The following SPAG6 variants were observed in gnomAD, a reference collection of about 807,000 sequenced individuals.
The protein encoded by SPAG6 is sperm associated antigen 6.
In SPAG6, 49 loss-of-function variants were observed where a neutral mutation model predicts 58.5. That is an observed-to-expected ratio of 0.84 (90% CI 0.67 to 1.06). The LOEUF (loss-of-function observed/expected upper bound fraction) is 1.06. Ranked by LOEUF, SPAG6 falls within the 50% of genes least tolerant of loss-of-function variation. The pLI is 0.00. For missense variants in SPAG6, 560 were observed against 611.3 expected (o/e 0.92, Z 0.89); for synonymous variants, 233 against 225.6 (o/e 1.03, Z -0.29).
intron 4 of SPAG6, among the ~76,000 whole-genome samples, chr10:22,378,701 C>A (rs1833880943): frequency 1.3e-5 from 2 of 152,128 alleles, no homozygotes; most frequent in Admixed American, 1.3e-4. Context: ...AAAATGACTT[C>A]AAATTTCCTC....
chr10:22,391,520 T>C (rs1290384477), intron 7 of SPAG6, among the ~76,000 whole-genome samples: 1 of 152,208 alleles, frequency 6.6e-6, no homozygotes, highest in Non-Finnish European at 1.5e-5. Flanking sequence ...CTTGGTTTAG[T>C]TGAATCGTTA....
At chr10:22,365,154 A>G (rs1837161956) in intron 3 of SPAG6, 135 bp downstream of exon 3, 4 of 571,136 alleles carry the variant, frequency 7.0e-6, no homozygotes, top group South Asian at 6.0e-5. Flanking sequence ...TCTGAGCTGC[A>G]TGTAATCATA....
At chr10:22,361,998 A>G (rs1244131474) in intron 2 of SPAG6, among the ~76,000 whole-genome samples, 2 of 146,854 alleles carry the variant, frequency 1.4e-5, no homozygotes, top group African/African-American at 4.9e-5. Flanking sequence ...ATAAATATAT[A>G]TATTTATTTC....
intron 5 of SPAG6, 89 bp from the exon 6 acceptor site, chr10:22,387,734 A>G: frequency 8.1e-7 from 1 of 1,231,810 alleles, no homozygotes; most frequent in African/African-American, 1.5e-5. Flanking sequence ...AGGAATTTGA[A>G]TATATATAAA....
chr10:22,412,470 T>C (rs1348773924), intron 10 of SPAG6: 1 of 1,531,756 alleles, frequency 6.5e-7, no homozygotes, highest in Non-Finnish European at 8.7e-7. Context: ...GTTGCAAGTT[T>C]GTGCACTTTT....
intron 6 of SPAG6, 23 bp downstream of exon 6, chr10:22,388,019 A>G: frequency 6.3e-7 from 1 of 1,579,690 alleles, no homozygotes. Flanking sequence ...TTCAAGGCAC[A>G]ATAATATGTA....
chr10:22,349,821 A>G (rs1836668444), intron 2 of SPAG6, among the ~76,000 whole-genome samples: 1 of 152,220 alleles, frequency 6.6e-6, no homozygotes, highest in Admixed American at 6.5e-5. Flanking sequence ...TAATGGGTTC[A>G]GAATTCAAGA....
At chr10:22,386,462 C>A (rs1336195428) in intron 4 of SPAG6, among the ~76,000 whole-genome samples, 2 of 151,180 alleles carry the variant, frequency 1.3e-5, no homozygotes, top group African/African-American at 4.9e-5. Context: ...GCTTAAACAG[C>A]TGACATCTGC....
At chr10:22,398,339 A>G (rs1324725762) in intron 8 of SPAG6, among the ~76,000 whole-genome samples, 1 of 152,232 alleles carries the variant, frequency 6.6e-6, no homozygotes, top group Non-Finnish European at 1.5e-5. Context: ...AGGTTAGGCA[A>G]TTATTTTTTA....
chr10:22,382,250 T>C (rs1833973682), intron 4 of SPAG6, among the ~76,000 whole-genome samples: 1 of 152,174 alleles, frequency 6.6e-6, no homozygotes, highest in Admixed American at 6.6e-5. Flanking sequence ...TCACTCAAAA[T>C]GAGCTACTCC....
At chr10:22,361,443 C>A (rs1837035607) in intron 2 of SPAG6, 1 of 152,284 alleles carries the variant, frequency 6.6e-6, no homozygotes, top group Admixed American at 6.5e-5. Context: ...TGCCTGTAAT[C>A]CCAGCACTTT....
intron 8 of SPAG6, among the ~76,000 whole-genome samples, chr10:22,396,109 G>A (rs527375231): frequency 6.6e-6 from 1 of 152,284 alleles, no homozygotes; most frequent in Admixed American, 6.5e-5. Context: ...GCAGGAGAGA[G>A]GGAGCGAAGG....
chr10:22,401,093 A>G, intron 8 of SPAG6, 68 bp from the exon 9 acceptor site: 1 of 738,430 alleles, frequency 1.4e-6, no homozygotes, highest in Non-Finnish European at 2.4e-6. Flanking sequence ...CAGGAATGTC[A>G]GATTTGAATT....
In SPAG6 at chr10:22,345,828, G is replaced by C; in HGVS notation, c.121+10G>C. The stretch of plus-strand genomic sequence containing the variant: ...ACGCTGCAGAACGCGGGTGAGCCCG[G>C]AGCCCGAACCCCCGTCGCCCCCCGC... On this transcript the variant is annotated intron_variant, in intron 2 of 10. Transcript: ENST00000376624. This position sits in a 1 kb window ranked among gnomAD's most constrained non-coding sequence, Gnocchi z 6.3. 6.2e-7 allele frequency: 1 copy of C among 1,611,016 alleles called. No homozygotes were observed. The highest frequency in any genetic ancestry group is 1.3e-5 in the African/African-American group (1 of 74,906).
At position 22,368,648 on chromosome 10, in the gene SPAG6, G is replaced by C; in HGVS notation, c.442G>C (p.Ala148Pro). 1 of 1,613,602 alleles carries C rather than the reference G, an allele frequency of 6.2e-7. No homozygotes were observed. The highest frequency in any genetic ancestry group is 8.5e-7 in the Non-Finnish European group (1 of 1,179,756). Residue 148 changes from alanine (A) to proline (P), a missense_variant, in exon 4 of 11, where the codon GCA becomes CCA. Ala to Pro is a conservative substitution (Grantham distance 27). Coordinates refer to ENST00000376624, the MANE Select transcript of SPAG6 (RefSeq NM_012443.4). The stretch of plus-strand genomic sequence containing the variant: ...TGGAGTCAAGGAGGCTGCAGCCTGG[G>C]CACTTAGATATATTGCAAGACATAA... Reference protein sequence around the residue: ...DPGVKEAAAWALRYIARHNAE... With the variant: ...DPGVKEAAAWPLRYIARHNAE...
At chr10:22,346,479 TTC>T (rs1428116486) in intron 2 of SPAG6, among the ~76,000 whole-genome samples, 1 of 141,502 alleles carries the variant, frequency 7.1e-6, no homozygotes, top group East Asian at 2.0e-4. Context: ...CTTCTTCTTC[TTC>T]TTCTTCTTCT....
intron 2 of SPAG6, among the ~76,000 whole-genome samples, chr10:22,351,743 C>T (rs1324188218): frequency 6.6e-6 from 1 of 152,112 alleles, no homozygotes; most frequent in African/African-American, 2.4e-5. Context: ...TCTTGTAGTG[C>T]GTGGAATGGC....
intron 4 of SPAG6, among the ~76,000 whole-genome samples, chr10:22,372,678 A>G (rs1295362762): frequency 2.6e-5 from 4 of 152,154 alleles, no homozygotes; most frequent in Non-Finnish European, 4.4e-5. Flanking sequence ...CCTGGCTGCA[A>G]GTGTGCGGAA....
intron 2 of SPAG6, among the ~76,000 whole-genome samples, chr10:22,348,644 A>C (rs1388802334): frequency 6.6e-6 from 1 of 152,200 alleles, no homozygotes; most frequent in Non-Finnish European, 1.5e-5. Flanking sequence ...ATGTGAAAGG[A>C]ATATTAAAGG....
Sources: allele counts gnomAD v4.1 joint callset (sites outside exome capture counted in the v4.1 genomes callset), GRCh38; gene constraint gnomAD v4.1.1; non-coding constraint Gnocchi (gnomAD v3.1); transcripts MANE v1.5; gene names NCBI Gene and HGNC (gene_info 2026-07-23, HGNC 2026-07-21).